The following CNOT1 variants were observed in gnomAD, a reference collection of about 807,000 sequenced individuals.
The protein encoded by CNOT1 is CCR4-associated factor 1.
CNOT1 carries 15 observed loss-of-function variants against 273.8 expected under a neutral mutation model. The ratio of observed to expected loss-of-function variants is 0.05; its 90% CI spans 0.04 to 0.08. The LOEUF is 0.08. Ranked by LOEUF, CNOT1 falls within the 10% of genes least tolerant of loss-of-function variation. The pLI is 1.00. For synonymous variants in CNOT1, 1,022 were observed against 1,005.5 expected (o/e 1.02, Z -0.31); for missense variants, 1,644 against 2,912.2 (o/e 0.56, Z 10.02).
chr16:58,580,869 T>G, intron 11 of CNOT1, 109 bp from the exon 12 acceptor site: 1 of 1,088,168 alleles, frequency 9.2e-7, no homozygotes, highest in Non-Finnish European at 1.3e-6. Flanking sequence ...CATGGCAATT[T>G]CCCGTTTAAA....
intron 44 of CNOT1, among the ~76,000 whole-genome samples, chr16:58,527,437 G>T (rs2039632819): frequency 6.6e-6 from 1 of 152,098 alleles, no homozygotes; most frequent in Admixed American, 6.5e-5. Flanking sequence ...TGAGGCAGGA[G>T]AATCACTGGA....
intron 31 of CNOT1, chr16:58,543,390 C>G: frequency 6.6e-7 from 1 of 1,521,552 alleles, no homozygotes; most frequent in South Asian, 1.3e-5. Flanking sequence ...ATCTGTCAAA[C>G]ATCGTGTTGA....
intron 7 of CNOT1, 32 bp from the exon 8 acceptor site, chr16:58,585,538 C>G: frequency 6.3e-7 from 1 of 1,592,268 alleles, no homozygotes; most frequent in East Asian, 2.2e-5. Flanking sequence ...AACTGCTATA[C>G]TAATTAAAAA....
Position 58,563,000 on chromosome 16 carries a change from A to G in CNOT1, c.1980-2638T>C, listed in dbSNP as rs373640609. On this transcript the variant is annotated intron_variant, in intron 16 of 48. Coordinates refer to ENST00000317147, the MANE Select transcript of CNOT1 (RefSeq NM_016284.5). ...GGTGCTAACAGTACTGAATAAGCCT[A>G]TATTACATTAAATCAATAGAGAAAA... is the stretch of plus-strand genomic sequence containing the variant. 1.8e-4 allele frequency among the ~76,000 whole-genome samples: 27 copies of G among 152,356 alleles called. No individual in the cohort carries two copies. In the East Asian group the frequency reaches 4.2e-3, roughly 24 times the overall value.
chr16:58,582,799 T>C lies in CNOT1; in HGVS notation c.1038A>G (p.Lys346=). 7.0e-7 allele frequency: 1 copy of C among 1,426,348 alleles called. No individual in the cohort carries two copies. Among genetic ancestry groups the C allele is most frequent in the Non-Finnish European group, 9.9e-7 (1 of 1,008,772 alleles). 88.4% of individuals were successfully genotyped at this position (1,426,348 alleles called of 1,614,324 possible). A position where few individuals can be genotyped will look rare whatever the true frequency, so the allele number is the denominator to read the frequency against. Residue 346 remains lysine (K), a synonymous_variant, in exon 10 of 49, where the codon AAA becomes AAG. Coordinates refer to ENST00000317147, the MANE Select transcript of CNOT1 (RefSeq NM_016284.5). The part of the protein sequence containing the change: ...WNVEVLIDVL[K]ELNPSLNFKE... Reference sequence around the variant, plus strand: ...CATCATCACATATACTCACCAGTTCTTTAAGAACGTCAATCAAGACTTCTA... The same window carrying C: ...CATCATCACATATACTCACCAGTTCCTTAAGAACGTCAATCAAGACTTCTA...
chr16:58,571,410 A>C (rs1453775153), intron 16 of CNOT1, among the ~76,000 whole-genome samples: 1 of 151,968 alleles, frequency 6.6e-6, no homozygotes, highest in Non-Finnish European at 1.5e-5. Flanking sequence ...ACAAAAAAAA[A>C]TTAGCTGGAA....
Position 58,534,278 on chromosome 16 carries a change from C to T in CNOT1, c.5764G>A (p.Ala1922Thr), listed in dbSNP as rs1311214626. ...GCTCGGATCATGGTGGGATTGGCAG[C>T]AGGATTGTGCTGCTGCTCAGCCTGA... ...RAQAEQQHNP[A>T]ANPTMIRAKC... The change falls in exon 40 of 49, where the codon GCT becomes ACT. Residue 1922 changes from alanine to threonine, a missense_variant. Physicochemically the swap from Ala to Thr is moderately conservative, Grantham distance 58. Transcript: ENST00000317147. 6.2e-7 allele frequency: 1 copy of T among 1,614,086 alleles called. No individual in the cohort carries two copies.
chr16:58,625,027 C>T (rs892764120), intron 1 of CNOT1, among the ~76,000 whole-genome samples: 1 of 151,756 alleles, frequency 6.6e-6, no homozygotes, highest in African/African-American at 2.4e-5. Context: ...GTGGACAGAT[C>T]GCTTGAGCCC....
Position 58,559,227 on chromosome 16 carries a change from T to C in CNOT1, c.2131-553A>G, listed in dbSNP as rs149519684. 5.6e-3 allele frequency among the ~76,000 whole-genome samples: 858 copies of C among 152,274 alleles called. 8 individuals carry two copies. The highest frequency in any genetic ancestry group is 0.01 in the South Asian group (49 of 4,818). On this transcript the variant is annotated intron_variant, in intron 17 of 48. Coordinates refer to ENST00000317147, the MANE Select transcript of CNOT1 (RefSeq NM_016284.5). ...CCAAAAGTTTGATTTTGGAGCATTT[T>C]GGATTTACAGATTAAGGATGCTCAA...
rs368788933 is a variant in CNOT1, at chr16:58,590,218, A to G, written c.103-1312T>C. Among the ~76,000 whole-genome samples the G allele has an allele frequency of 8.5e-5, 13 of 152,270 alleles. 1 individual carries two copies. In the East Asian group the frequency reaches 1.5e-3, roughly 18 times the overall value. On this transcript the variant is annotated intron_variant, in intron 2 of 48. Transcript: ENST00000317147. ...AAACTGCTAAAATTTACCACCATCT[A>G]TCCCCACGGATAAGGGGTTGACATA...
chr16:58,626,916 C>A (rs1395820272), intron 1 of CNOT1, among the ~76,000 whole-genome samples: 1 of 151,980 alleles, frequency 6.6e-6, no homozygotes, highest in Non-Finnish European at 1.5e-5. Flanking sequence ...TCTCAAGCAT[C>A]CTCCTCCCTC....
At chr16:58,558,962 A>C (rs1188626747) in intron 17 of CNOT1, among the ~76,000 whole-genome samples, 2 of 152,216 alleles carry the variant, frequency 1.3e-5, no homozygotes, top group South Asian at 4.1e-4. Flanking sequence ...TGGATTTTAG[A>C]ATATTTGCAT....
chr16:58,598,799 C>T (rs1263006603), intron 2 of CNOT1, among the ~76,000 whole-genome samples: 2 of 151,968 alleles, frequency 1.3e-5, no homozygotes, highest in Non-Finnish European at 2.9e-5. Flanking sequence ...TGGTGGCTCA[C>T]GCCTGTAATC....
intron 46 of CNOT1, 93 bp from the exon 47 acceptor site, chr16:58,523,595 G>T: frequency 8.5e-7 from 1 of 1,172,124 alleles, no homozygotes; most frequent in Non-Finnish European, 1.2e-6. Flanking sequence ...TTCTGACAGA[G>T]GCTTTCAAAT....
chr16:58,575,796 TC>T (rs2041439977), intron 14 of CNOT1, among the ~76,000 whole-genome samples: 1 of 129,024 alleles, frequency 7.8e-6, no homozygotes, highest in African/African-American at 2.6e-5. Context: ...AGATTCTATC[TC>T]CAAAAAAAAA....
chr16:58,579,852 G>A (rs2041594620), intron 12 of CNOT1, among the ~76,000 whole-genome samples: 1 of 152,124 alleles, frequency 6.6e-6, no homozygotes, highest in Non-Finnish European at 1.5e-5. Flanking sequence ...CACCAGGCCG[G>A]ACTAAGATTC....
At chr16:58,608,022 A>T (rs1370382429) in intron 1 of CNOT1, among the ~76,000 whole-genome samples, 1 of 151,802 alleles carries the variant, frequency 6.6e-6, no homozygotes, top group African/African-American at 2.4e-5. Flanking sequence ...AAAATACAGA[A>T]AAAATTAGCC....
At chr16:58,553,524 A>AT (rs11377942) in intron 22 of CNOT1, among the ~76,000 whole-genome samples, 114,489 of 151,954 alleles carry the variant, frequency 0.75, 43,537 homozygotes, top group Middle Eastern at 0.86. Flanking sequence ...CAACTGCATT[A>AT]CAGGTTAAAA....
At chr16:58,525,136 A>G (rs2039544805) in intron 46 of CNOT1, 43 bp downstream of exon 46, 2 of 1,577,890 alleles carry the variant, frequency 1.3e-6, no homozygotes, top group Non-Finnish European at 1.7e-6. Flanking sequence ...TGTAGCAAAA[A>G]GCACAGAGAA....
Sources: allele counts gnomAD v4.1 joint callset (sites outside exome capture counted in the v4.1 genomes callset), GRCh38; gene constraint gnomAD v4.1.1; transcripts MANE v1.5; gene names NCBI Gene and HGNC (gene_info 2026-07-23, HGNC 2026-07-21).